The following CYREN variants were observed in gnomAD, a reference collection of about 807,000 sequenced individuals.
The protein encoded by CYREN is cell cycle regulator of non-homologous end joining.
In CYREN, 7 loss-of-function variants were observed where a neutral mutation model predicts 9.7. That is an observed-to-expected ratio of 0.72 (90% CI 0.41 to 1.36). The LOEUF is 1.36. Among genes scored for constraint, CYREN ranks in the 40% most tolerant of loss-of-function variants. The pLI is 0.01. For missense variants in CYREN, 215 were observed against 198.1 expected, an observed-to-expected ratio of 1.09 and a Z score of -0.51; for synonymous variants, 76 against 77.9, an observed-to-expected ratio of 0.98 and a Z score of 0.13.
chr7:135,127,562 A>C (rs1359720357), intron 2 of CYREN, among the ~76,000 whole-genome samples: 1 of 152,142 alleles, frequency 6.6e-6, no homozygotes, highest in Non-Finnish European at 1.5e-5. Flanking sequence ...AAAAAAAAAA[A>C]AAAACTCAAC....
At chr7:135,167,383 A>G (rs1215256759) in intron 3 of CYREN, 2 of 1,127,284 alleles carry the variant, frequency 1.8e-6, no homozygotes, top group East Asian at 5.7e-5. Context: ...GGCAATGGCT[A>G]AGAAGTCATC....
chr7:135,168,581 C>G, intron 2 of CYREN: 1 of 671,238 alleles, frequency 1.5e-6, no homozygotes, highest in Non-Finnish European at 2.4e-6. Context: ...AGTGCAGAGG[C>G]AGAAGTGGGT....
chr7:135,143,181 T>C (rs535434352), intron 2 of CYREN, among the ~76,000 whole-genome samples: 2 of 152,168 alleles, frequency 1.3e-5, no homozygotes, highest in East Asian at 3.9e-4. Context: ...ACCCTGTTTC[T>C]ACAAAAATAA....
chr7:135,115,070 C>G (rs560321650), intron 2 of CYREN, among the ~76,000 whole-genome samples: 14 of 152,124 alleles, frequency 9.2e-5, no homozygotes, highest in Non-Finnish European at 1.9e-4. Context: ...GAAACCTGCT[C>G]GATTTACTTC....
chr7:135,114,602 C>T (rs181531638), intron 2 of CYREN, among the ~76,000 whole-genome samples: 4 of 152,212 alleles, frequency 2.6e-5, no homozygotes, highest in Admixed American at 2.0e-4. Flanking sequence ...CATCTCACAT[C>T]CAATTCTTTA....
At chr7:135,115,780 T>C in intron 2 of CYREN, 2 of 564,874 alleles carry the variant, frequency 3.5e-6, no homozygotes, top group Non-Finnish European at 3.1e-6. Context: ...AAACACTGGA[T>C]AAATGAAGGA....
downstream of CYREN, among the ~76,000 whole-genome samples, chr7:135,161,127 GCCACC>G (rs1829925234): frequency 2.6e-5 from 4 of 152,138 alleles, no homozygotes; most frequent in Non-Finnish European, 4.4e-5. The surrounding 1 kb of genome is among the most constrained non-coding windows in gnomAD (Gnocchi z 4.1). Context: ...AAGGTGAGAG[GCCACC>G]ACCTTCTCCA....
rs1285032795 is a variant in CYREN at position 135,112,131 on chromosome 7, A to C, written n.357-17549T>G. On this transcript the variant is annotated intron_variant and non_coding_transcript_variant, in intron 2 of 2. Coordinates refer to the CYREN transcript ENST00000459937. Reference sequence around the variant, plus strand: ...CATTCTACCTCTAAAGATTCTCTTGAATCTGCTCTCTTCATCCTAATGCTA... The same window carrying C: ...CATTCTACCTCTAAAGATTCTCTTGCATCTGCTCTCTTCATCCTAATGCTA... Among the ~76,000 whole-genome samples, 3 of 152,198 alleles carry C rather than the reference A, an allele frequency of 2.0e-5. No individual in the cohort carries two copies. The East Asian group carries it at 5.8e-4, about 29-fold the overall frequency.
intron 2 of CYREN, among the ~76,000 whole-genome samples, chr7:135,123,014 A>G (rs1459968707): frequency 6.6e-6 from 1 of 152,168 alleles, no homozygotes; most frequent in Non-Finnish European, 1.5e-5. Flanking sequence ...ATGTATCTCC[A>G]GCAATGGCAC....
intron 2 of CYREN, among the ~76,000 whole-genome samples, chr7:135,109,499 C>T (rs940562986): frequency 1.3e-5 from 2 of 152,194 alleles, no homozygotes; most frequent in African/African-American, 4.8e-5. Context: ...TTCTGTATGG[C>T]TGCTGCAGTA....
At chr7:135,092,995 G>A (rs983085082) in exon 3 of CYREN, 2 of 150,626 alleles carry the variant, frequency 1.3e-5, no homozygotes, top group African/African-American at 4.9e-5. Flanking sequence ...GATTAAAAAA[G>A]AGACACTCAA....
At chr7:135,112,105 C>G (rs191610564) in intron 2 of CYREN, among the ~76,000 whole-genome samples, 42 of 152,306 alleles carry the variant, frequency 2.8e-4, no homozygotes, top group Non-Finnish European at 5.3e-4. Context: ...GAAGCTCTAT[C>G]CATTCTACCT....
chr7:135,166,782 G>A lies in CYREN; in HGVS notation c.303C>T (p.His101=), dbSNP rs1358588635. The change falls in exon 4 of 4, where the codon CAC becomes CAT. Residue 101 remains histidine, a synonymous_variant. Coordinates refer to ENST00000393114, the MANE Select transcript of CYREN (RefSeq NM_024033.4). ...EHSPPCSVSP[H]TSSGSSSEEE... Reference sequence around the variant, plus strand: ...CCTCACTGCTGCTCCCAGAACTTGTGTGAGGCGACACGGAGCAGGGAGGGG... The same window carrying A: ...CCTCACTGCTGCTCCCAGAACTTGTATGAGGCGACACGGAGCAGGGAGGGG... The A allele has an allele frequency of 1.9e-6, 3 of 1,614,156 alleles. No homozygotes were observed. Among genetic ancestry groups the A allele is most frequent in the Non-Finnish European group, 2.5e-6 (3 of 1,180,038 alleles).
rs1830180513 is a variant in CYREN, at chr7:135,166,822, T to C, written c.263A>G (p.Asp88Gly). 6.2e-7 allele frequency: 1 copy of C among 1,614,176 alleles called. No homozygotes were observed. Among genetic ancestry groups the C allele is most frequent in the Non-Finnish European group, 8.5e-7 (1 of 1,180,012 alleles). Residue 88 changes from aspartate to glycine, a missense_variant, in exon 4 of 4, where the codon GAT becomes GGT. Transcript: ENST00000393114. ...ACEQPALAGADNPEHSPPCSV... is the reference protein window; with the variant it reads ...ACEQPALAGAGNPEHSPPCSV... ...GCAGGGAGGGGAGTGCTCTGGGTTATCAGCCCCCGCCAGGGCCGGCTGCTC... is the reference window on the plus strand; with the variant it reads ...GCAGGGAGGGGAGTGCTCTGGGTTACCAGCCCCCGCCAGGGCCGGCTGCTC...
intron 2 of CYREN, among the ~76,000 whole-genome samples, chr7:135,117,215 A>C (rs1022499929): frequency 7.0e-5 from 10 of 143,798 alleles, no homozygotes; most frequent in African/African-American, 2.5e-4. Context: ...ATGGAATGCC[A>C]AGCATGAGAT....
chr7:135,093,873 G>C (rs1470199969), exon 3 of CYREN: 3 of 152,816 alleles, frequency 2.0e-5, no homozygotes, highest in African/African-American at 7.2e-5. Context: ...AATTGAGACT[G>C]TGTGGTACTG....
chr7:135,115,303 TG>T, intron 2 of CYREN: 1 of 922,928 alleles, frequency 1.1e-6, no homozygotes, highest in Non-Finnish European at 1.6e-6. Context: ...ATAAAATCCT[TG>T]GCATATAATA....
At chr7:135,165,100 C>T (rs1476300287), downstream of CYREN, 67 of 1,394,952 alleles carry the variant, frequency 4.8e-5, 1 homozygote, top group East Asian at 1.4e-3. Context: ...CCAGCTCCAG[C>T]GATGGAACCC....
intron 2 of CYREN, among the ~76,000 whole-genome samples, chr7:135,159,527 A>G (rs1343621961): frequency 6.6e-6 from 1 of 152,190 alleles, no homozygotes; most frequent in South Asian, 2.1e-4. Context: ...CTCCCTCCTA[A>G]GGCCCTGCTC....
Sources: gnomAD v4.1 joint callset for allele counts (sites outside exome capture counted in the v4.1 genomes callset) on GRCh38, gnomAD v4.1.1 for gene constraint, Gnocchi (gnomAD v3.1) non-coding constraint, MANE v1.5 for transcripts, NCBI Gene and HGNC (gene_info 2026-07-23, HGNC 2026-07-21) for gene names.